The following ADAMTS6 variants were observed in gnomAD, a reference collection of about 807,000 sequenced individuals.
ADAMTS6 encodes the protein ADAM metallopeptidase with thrombospondin type 1 motif 6.
In ADAMTS6, 23 loss-of-function variants were observed where a neutral mutation model predicts 144.3. The ratio of observed to expected loss-of-function variants is 0.16; its 90% CI spans 0.11 to 0.23. ADAMTS6 has a LOEUF of 0.23. Among genes scored for constraint, ADAMTS6 ranks in the 10% least tolerant of loss-of-function variants. The pLI is 1.00. For synonymous variants in ADAMTS6, 444 were observed against 457.5 expected (o/e 0.97, Z 0.38); for missense variants, 999 against 1,379.6 (o/e 0.72, Z 4.37).
chr5:65,210,777 C>A, intron 20 of ADAMTS6: 1 of 612,444 alleles, frequency 1.6e-6, no homozygotes, highest in Admixed American at 1.9e-5. Flanking sequence ...AAGATGCTTA[C>A]AAGAAACAGT....
chr5:65,425,323 C>T (rs1314863308), intron 7 of ADAMTS6, among the ~76,000 whole-genome samples: 2 of 152,090 alleles, frequency 1.3e-5, no homozygotes, highest in South Asian at 2.1e-4. Flanking sequence ...CCACTGTGCC[C>T]GGCCAATATA....
chr5:65,399,054 C>T (rs1049982382), intron 7 of ADAMTS6, among the ~76,000 whole-genome samples: 2 of 151,920 alleles, frequency 1.3e-5, no homozygotes, highest in African/African-American at 4.8e-5. Context: ...GTCAGGAGTT[C>T]GAGATCAGCC....
intron 24 of ADAMTS6, among the ~76,000 whole-genome samples, chr5:65,157,940 C>T (rs553770411): frequency 3.9e-5 from 6 of 152,196 alleles, no homozygotes; most frequent in Non-Finnish European, 7.3e-5. Context: ...GAACTTTACA[C>T]TGATTTCAAT....
rs756244713 is a variant in ADAMTS6, at chr5:65,460,242, G to T, written c.559C>A (p.Pro187Thr). Residue 187 changes from proline (P) to threonine (T), a missense_variant, in exon 4 of 25, where the codon CCT becomes ACT. Pro to Thr is a conservative substitution (Grantham distance 38). Coordinates refer to ENST00000381055, the MANE Select transcript of ADAMTS6 (RefSeq NM_197941.4). ...SKHFSYENGHPHVIYKKSALQ... is the reference protein window; with the variant it reads ...SKHFSYENGHTHVIYKKSALQ... ...GCAGACTTTTTGTAAATAACATGAGGGTGGCCATTTTCATAACTAAAATGC... is the reference window on the plus strand; with the variant it reads ...GCAGACTTTTTGTAAATAACATGAGTGTGGCCATTTTCATAACTAAAATGC... 5 of 1,613,914 alleles carry T rather than the reference G, an allele frequency of 3.1e-6. No homozygotes were observed. In the African/African-American group the frequency reaches 6.7e-5, roughly 22 times the overall value.
intron 14 of ADAMTS6, among the ~76,000 whole-genome samples, chr5:65,257,127 G>A (rs984779762): frequency 6.6e-6 from 1 of 150,702 alleles, no homozygotes; most frequent in African/African-American, 2.4e-5. Context: ...ACTGTGCCTT[G>A]CTTTCTCATT....
rs528909796 is a variant in ADAMTS6, at chr5:65,200,982, C to G, written c.2576-3831G>C. Among the ~76,000 whole-genome samples, 6 of 152,252 alleles carry G rather than the reference C, an allele frequency of 3.9e-5. No homozygotes were observed. The South Asian group carries it at 1.2e-3, about 32-fold the overall frequency. Reference sequence around the variant, plus strand: ...AATGTCAGATCCTATATTTAATTTTCTGCCAATAGTTCAAAGTTAAAGATC... The same window carrying G: ...AATGTCAGATCCTATATTTAATTTTGTGCCAATAGTTCAAAGTTAAAGATC... On this transcript the variant is annotated intron_variant, in intron 20 of 24. Transcript: ENST00000381055.
intron 9 of ADAMTS6, among the ~76,000 whole-genome samples, chr5:65,319,739 GGGAAGGAAGGAA>G (rs776411832): frequency 0.26 from 16,861 of 65,164 alleles, 2,413 homozygotes; most frequent in Non-Finnish European, 0.31. Flanking sequence ...GAGGGAGGGA[GGGAAGGAAGGAA>G]GGAAGGAAGG....
Position 65,172,836 on chromosome 5 carries a change from C to A in ADAMTS6, c.3083G>T (p.Gly1028Val). ...PPPRWVTGDW[G>V]QCSAQCGLGQ... ...CCCACAGTACAAACGCCTTACCTGG[C>A]CCCAGTCTCCTGTGACCCAGCGAGG... Residue 1028 changes from glycine (G) to valine (V), a missense_variant, in exon 23 of 25, where the codon GGC becomes GTC. Transcript: ENST00000381055. 1 of 1,613,574 alleles carries A rather than the reference C, an allele frequency of 6.2e-7. No individual in the cohort carries two copies. Among genetic ancestry groups the A allele is most frequent in the South Asian group, 1.1e-5 (1 of 90,988 alleles).
chr5:65,438,596 G>C (rs7727672), intron 7 of ADAMTS6, among the ~76,000 whole-genome samples: 283 of 152,194 alleles, frequency 1.9e-3, no homozygotes, highest in African/African-American at 6.5e-3. Context: ...TTAACAGGCA[G>C]TGTCAGAAAA....
intron 24 of ADAMTS6, among the ~76,000 whole-genome samples, chr5:65,161,480 A>C (rs1426014952): frequency 2.0e-5 from 3 of 152,182 alleles, no homozygotes; most frequent in Non-Finnish European, 4.4e-5. Flanking sequence ...TAGATGGCTT[A>C]CTGATTACTT....
chr5:65,328,052 T>C (rs1356304575), intron 9 of ADAMTS6, among the ~76,000 whole-genome samples: 2 of 152,146 alleles, frequency 1.3e-5, no homozygotes, highest in Non-Finnish European at 2.9e-5. Flanking sequence ...TTTATTACAA[T>C]GGAAAGTAGA....
At chr5:65,418,127 C>A (rs929842536) in intron 7 of ADAMTS6, among the ~76,000 whole-genome samples, 1 of 152,150 alleles carries the variant, frequency 6.6e-6, no homozygotes, top group African/African-American at 2.4e-5. Flanking sequence ...GAAAAGGACT[C>A]CCTATTCAAT....
At chr5:65,188,254 A>G (rs1405429687) in intron 21 of ADAMTS6, 34 bp from the exon 22 acceptor site, 1 of 1,606,146 alleles carries the variant, frequency 6.2e-7, no homozygotes, top group East Asian at 2.2e-5. Flanking sequence ...ACAGAAAAGC[A>G]TTTCCTCAGT....
At chr5:65,334,830 A>T (rs752626830) in intron 7 of ADAMTS6, among the ~76,000 whole-genome samples, 4 of 152,172 alleles carry the variant, frequency 2.6e-5, no homozygotes, top group Non-Finnish European at 4.4e-5. Flanking sequence ...TATTGATATA[A>T]ACATTTATTT....
Position 65,229,482 on chromosome 5 carries a change from G to C in ADAMTS6, c.1934-3263C>G, listed in dbSNP as rs149740462. ...CCAAAGACATGGAGCTCTATGAATG[G>C]CATGAAAAAGAATCCAAAATAATTG... On this transcript the variant is annotated intron_variant, in intron 15 of 24. Coordinates refer to ENST00000381055, the MANE Select transcript of ADAMTS6 (RefSeq NM_197941.4). Among the ~76,000 whole-genome samples the C allele has an allele frequency of 2.1e-3, 325 of 152,226 alleles. 2 individuals are homozygous for C. Among genetic ancestry groups the C allele is most frequent in the African/African-American group, 7.4e-3 (309 of 41,546 alleles).
chr5:65,461,470 T>C (rs1759637254), intron 3 of ADAMTS6, among the ~76,000 whole-genome samples: 1 of 152,252 alleles, frequency 6.6e-6, no homozygotes, highest in Admixed American at 6.5e-5. Flanking sequence ...GTAAAAGTTA[T>C]CTACATCTGA....
At chr5:65,281,677 G>C (rs983547612) in intron 11 of ADAMTS6, among the ~76,000 whole-genome samples, 4 of 151,970 alleles carry the variant, frequency 2.6e-5, no homozygotes, top group Non-Finnish European at 5.9e-5. Context: ...AACACTATTT[G>C]TAAATATTAA....
intron 7 of ADAMTS6, among the ~76,000 whole-genome samples, chr5:65,402,625 T>C (rs1237332471): frequency 2.6e-5 from 4 of 152,066 alleles, no homozygotes; most frequent in Admixed American, 2.6e-4. Context: ...CCAATTATAT[T>C]TTGATGCACA....
rs140606610 is a variant in ADAMTS6, at chr5:65,152,910, C to A, written c.3245-965G>T. Among the ~76,000 whole-genome samples, 38 of 152,308 alleles carry A rather than the reference C, an allele frequency of 2.5e-4. No homozygotes were observed. In the East Asian group the frequency reaches 6.9e-3, roughly 28 times the overall value. ...CCTGCTAGAACCAAAGTTCCACCCT[C>A]ATTTTTCCAGGTAGTTATACTGAAG... On this transcript the variant is annotated intron_variant, in intron 24 of 24. Transcript: ENST00000381055.
Sources: gnomAD v4.1 joint callset for allele counts (sites outside exome capture counted in the v4.1 genomes callset) on GRCh38, gnomAD v4.1.1 for gene constraint, MANE v1.5 for transcripts, NCBI Gene and HGNC (gene_info 2026-07-23, HGNC 2026-07-21) for gene names.